The following NEGR1 variants were observed in gnomAD, a reference collection of about 807,000 sequenced individuals.
NEGR1 encodes neuronal growth regulator 1, also known as IgLON family member 4.
Under a neutral mutation model 40.9 loss-of-function variants are expected in NEGR1, and 10 were observed. The ratio of observed to expected loss-of-function variants is 0.24; its 90% confidence interval spans 0.15 to 0.42. The LOEUF is 0.42. Ranked by LOEUF, NEGR1 falls within the 10% of genes least tolerant of loss-of-function variation. The probability of loss-of-function intolerance (pLI) is 1.00; values close to 1 mark genes in which losing one functional copy is unlikely to be tolerated. For synonymous variants in NEGR1, 185 were observed against 166.8 expected, an observed-to-expected ratio of 1.11 and a Z score of -0.84; for missense variants, 352 against 438.9, an observed-to-expected ratio of 0.80 and a Z score of 1.77.
intron 5 of NEGR1, among the ~76,000 whole-genome samples, chr1:71,594,480 A>G (rs935599729): frequency 1.3e-5 from 2 of 152,206 alleles, no homozygotes; most frequent in African/African-American, 4.8e-5. Flanking sequence ...TACTCTGGGA[A>G]TTACTTATAT....
intron 6 of NEGR1, among the ~76,000 whole-genome samples, chr1:71,555,230 CT>C (rs1648218826): frequency 7.2e-6 from 1 of 138,254 alleles, no homozygotes. Flanking sequence ...TCTTAAAGCT[CT>C]GTAGGCAGGT....
chr1:72,026,824 A>G (rs1005455696), intron 1 of NEGR1, among the ~76,000 whole-genome samples: 1 of 151,932 alleles, frequency 6.6e-6, no homozygotes, highest in Non-Finnish European at 1.5e-5. Context: ...CTCTCCATCA[A>G]TCCTTAACTT....
At chr1:71,922,222 C>A (rs1451759756) in intron 2 of NEGR1, among the ~76,000 whole-genome samples, 6 of 152,078 alleles carry the variant, frequency 3.9e-5, no homozygotes, top group Non-Finnish European at 8.8e-5. Context: ...GGAGACACCG[C>A]CTGTGACAAT....
At chr1:71,775,399 G>A (rs1656468022) in intron 3 of NEGR1, among the ~76,000 whole-genome samples, 1 of 149,656 alleles carries the variant, frequency 6.7e-6, no homozygotes, top group Non-Finnish European at 1.5e-5. Context: ...AGGCTGGAGT[G>A]CACTGGTGCG....
At chr1:71,686,227 A>G (rs1050388666) in intron 4 of NEGR1, among the ~76,000 whole-genome samples, 6 of 152,164 alleles carry the variant, frequency 3.9e-5, no homozygotes, top group Non-Finnish European at 8.8e-5. Context: ...ATTTGGCCCT[A>G]TATTCTTGAC....
intron 6 of NEGR1, among the ~76,000 whole-genome samples, chr1:71,508,547 A>G (rs764426818): frequency 6.6e-6 from 1 of 152,250 alleles, no homozygotes; most frequent in Non-Finnish European, 1.5e-5. Flanking sequence ...ACCAAATGGT[A>G]GCATTCCAAA....
intron 1 of NEGR1, among the ~76,000 whole-genome samples, chr1:72,099,008 A>G (rs979344899): frequency 1.3e-5 from 2 of 152,010 alleles, no homozygotes; most frequent in Non-Finnish European, 2.9e-5. Flanking sequence ...TTAGAATATT[A>G]TAATTATATT....
At chr1:71,659,306 T>C (rs929401197) in intron 4 of NEGR1, among the ~76,000 whole-genome samples, 6 of 152,152 alleles carry the variant, frequency 3.9e-5, no homozygotes, top group African/African-American at 1.2e-4. Flanking sequence ...AATAGCCAAA[T>C]TGTGAGTACT....
intron 1 of NEGR1, among the ~76,000 whole-genome samples, chr1:72,006,769 G>C (rs2630413): frequency 0.22 from 32,870 of 152,034 alleles, 4,532 homozygotes; most frequent in African/African-American, 0.38. Flanking sequence ...AAAACTGGGG[G>C]GGGCGGGAAG....
At chr1:71,575,510 A>G (rs370700412) in intron 6 of NEGR1, among the ~76,000 whole-genome samples, 17 of 152,344 alleles carry the variant, frequency 1.1e-4, no homozygotes, top group Admixed American at 8.5e-4. Context: ...CCAGTTGGGC[A>G]CGGTGGCTCA....
chr1:72,269,599 A>G (rs1655774761), intron 1 of NEGR1, among the ~76,000 whole-genome samples: 1 of 151,724 alleles, frequency 6.6e-6, no homozygotes, highest in African/African-American at 2.4e-5. Context: ...TTGTTTCCCC[A>G]TTTGTAAAGT....
intron 1 of NEGR1, among the ~76,000 whole-genome samples, chr1:71,997,992 T>G (rs1225601147): frequency 1.3e-5 from 2 of 151,960 alleles, no homozygotes; most frequent in Non-Finnish European, 2.9e-5. Context: ...ACTAATAGAT[T>G]TATCCTTTGT....
chr1:71,611,065 A>G lies in NEGR1; in HGVS notation c.749T>C (p.Val250Ala). The change falls in exon 5 of 7, where the codon GTG (valine) becomes GCG (alanine). Residue 250 changes from valine (V) to alanine (A), a missense_variant. Val to Ala is a moderately conservative substitution (Grantham distance 64). This residue lies in a region of NEGR1 where 184 missense variants were observed against 208.7 expected (regional missense o/e 0.88). Coordinates refer to ENST00000357731, the MANE Select transcript of NEGR1 (RefSeq NM_173808.3). ...GTACCATTCAAAGGCTGGAGGCGGC[A>G]CACCTGCACCTTCACATCTTATCAG... ...SGLIRCEGAG[V>A]PPPAFEWYKG... The G allele has an allele frequency of 1.2e-6, 2 of 1,613,968 alleles. No homozygotes were observed. The highest frequency in any genetic ancestry group is 1.7e-6 in the Non-Finnish European group (2 of 1,179,882).
intron 6 of NEGR1, among the ~76,000 whole-genome samples, chr1:71,505,576 C>T (rs188060733): frequency 2.0e-5 from 3 of 152,318 alleles, no homozygotes; most frequent in Non-Finnish European, 4.4e-5. Context: ...CCACCGCGCC[C>T]GGCCCCCTAC....
intron 4 of NEGR1, among the ~76,000 whole-genome samples, chr1:71,657,733 TG>T (rs969347427): frequency 2.5e-4 from 38 of 152,186 alleles, no homozygotes; most frequent in African/African-American, 9.2e-4. Context: ...TGATCCTCCC[TG>T]GTGACTGCCC....
At chr1:71,460,418 A>G (rs1646706641) in intron 6 of NEGR1, among the ~76,000 whole-genome samples, 1 of 152,156 alleles carries the variant, frequency 6.6e-6, no homozygotes, top group East Asian at 1.9e-4. Context: ...AGTGACTCCC[A>G]TCTTACATTT....
chr1:71,912,049 T>C (rs1661433448), intron 2 of NEGR1, among the ~76,000 whole-genome samples: 2 of 152,300 alleles, frequency 1.3e-5, no homozygotes, highest in Admixed American at 1.3e-4. Context: ...ATATATATTA[T>C]ATGTCTGTGG....
chr1:72,077,788 G>A (rs1433056290), intron 1 of NEGR1, among the ~76,000 whole-genome samples: 1 of 152,086 alleles, frequency 6.6e-6, no homozygotes, highest in East Asian at 1.9e-4. Flanking sequence ...TCTCCAGCAA[G>A]TGATAGAGAG....
chr1:71,771,150 G>A (rs552657809), intron 3 of NEGR1, among the ~76,000 whole-genome samples: 1 of 152,244 alleles, frequency 6.6e-6, no homozygotes, highest in Admixed American at 6.5e-5. Flanking sequence ...GTCCTTTGCA[G>A]GGACATGGAT....
Sources: allele counts gnomAD v4.1 joint callset (sites outside exome capture counted in the v4.1 genomes callset), GRCh38; gene constraint gnomAD v4.1.1; regional missense constraint gnomAD v4.1.1; transcripts MANE v1.5; gene names NCBI Gene and HGNC (gene_info 2026-07-23, HGNC 2026-07-21).